The following DCTN1 variants were observed in gnomAD, a reference collection of about 807,000 sequenced individuals.
DCTN1 encodes the protein dynactin subunit 1, also known as 150 kDa dynein-associated polypeptide.
DCTN1 carries 61 observed loss-of-function variants against 161.2 expected under a neutral mutation model. That is an observed-to-expected ratio of 0.38 (90% CI 0.31 to 0.47). DCTN1 has a LOEUF of 0.47. Among genes scored for constraint, DCTN1 ranks in the 20% least tolerant of loss-of-function variants. DCTN1 has a pLI of 0.99. For synonymous variants in DCTN1, 653 were observed against 632.4 expected, an observed-to-expected ratio of 1.03 and a Z score of -0.49; for missense variants, 1,404 against 1,623.7, an observed-to-expected ratio of 0.86 and a Z score of 2.33.
chr2:74,363,492 C>T, intron 27 of DCTN1, 65 bp from the exon 28 acceptor site: 1 of 1,602,742 alleles, frequency 6.2e-7, no homozygotes, highest in South Asian at 1.1e-5. Flanking sequence ...GGCTCCATTC[C>T]TACTCTTCCC....
chr2:74,368,228 A>G, intron 16 of DCTN1, 97 bp from the exon 17 acceptor site: 2 of 1,458,668 alleles, frequency 1.4e-6, no homozygotes, highest in South Asian at 2.5e-5. Flanking sequence ...TGTGGGGAGC[A>G]TGGACACACA....
At chr2:74,365,420 TA>T in intron 25 of DCTN1, 94 bp downstream of exon 25, 1 of 1,592,978 alleles carries the variant, frequency 6.3e-7, no homozygotes, top group Non-Finnish European at 8.6e-7. Flanking sequence ...GGAGTCTCAC[TA>T]TAAGAGAACC....
Position 74,368,812 on chromosome 2 carries a change from G to A in DCTN1, c.1770C>T (p.Ala590=), listed in dbSNP as rs373649455. The A allele has an allele frequency of 1.1e-5, 18 of 1,614,152 alleles. No homozygotes were observed. Among genetic ancestry groups the A allele is most frequent in the African/African-American group, 1.3e-5 (1 of 74,942 alleles). ...QANRHMSLLT[A]FMPDSFLRPG... is the part of the protein sequence containing the mutation. ...GCCGAAGGAAGCTGTCAGGCATGAA[G>A]GCTGTCAGCAGGGACATGTGTCGAT... is the stretch of plus-strand genomic sequence containing the variant. Residue 590 remains alanine (A), a synonymous_variant, in exon 16 of 32, where the codon GCC becomes GCT. Transcript: ENST00000628224.
Position 74,367,377 on chromosome 2 carries a change from G to A in DCTN1, c.2228C>T (p.Thr743Ile). The change falls in exon 19 of 32, where the codon ACT (threonine) becomes ATT (isoleucine). Residue 743 changes from threonine to isoleucine, a missense_variant. Thr to Ile is a moderately conservative substitution (Grantham distance 89). Transcript: ENST00000628224. The stretch of plus-strand genomic sequence containing the variant: ...CTTAATGTGGTCAGCCAGCTGCATA[G>A]TACAGTCCTCAGGCTGTTCGGCAAG... ...IHLAEQPEDC[T>I]MQLADHIKFT... 2 of 1,614,150 alleles carry A rather than the reference G, an allele frequency of 1.2e-6. No homozygotes were observed. The highest frequency in any genetic ancestry group is 1.1e-5 in the South Asian group (1 of 91,076).
At chr2:74,362,162 A>T in intron 30 of DCTN1, 21 bp from the exon 31 acceptor site, 1 of 1,610,658 alleles carries the variant, frequency 6.2e-7, no homozygotes, top group African/African-American at 1.3e-5. Flanking sequence ...GGAGAGGAAG[A>T]CAAGGGTTCA....
intron 1 of DCTN1, among the ~76,000 whole-genome samples, chr2:74,388,783 T>C (rs184741629): frequency 1.1e-4 from 16 of 152,350 alleles, no homozygotes; most frequent in Admixed American, 3.9e-4. Context: ...CAATGTTGAA[T>C]AGATGCCTGT....
At chr2:74,385,750 GGTAAGTCC>G (rs1231711563) in intron 1 of DCTN1, 2 of 152,184 alleles carry the variant, frequency 1.3e-5, no homozygotes, top group Admixed American at 1.3e-4. Context: ...AGCAGGAAAA[GGTAAGTCC>G]GTTTCTCTTC....
rs372500630 is a variant in DCTN1 at position 74,366,820 on chromosome 2, G to A, written c.2429C>T (p.Ala810Val). ...GGCCAGTGCAGCTGGGATCCCAGGA[G>A]CATCTGTCCCTGGCATTCGCCTTCG... ...KIRRRMPGTD[A>V]PGIPAALAFG... The change falls in exon 21 of 32, where the codon GCT becomes GTT. Residue 810 changes from alanine to valine, a missense_variant. Around this residue, in one of 9 missense-constraint regions of DCTN1, gnomAD observed 475 missense variants for 489.8 expected, o/e 0.97. Coordinates refer to ENST00000628224, the MANE Select transcript of DCTN1 (RefSeq NM_004082.5). 2 of 1,614,250 alleles carry A rather than the reference G, an allele frequency of 1.2e-6. No homozygotes were observed. Among genetic ancestry groups the A allele is most frequent in the South Asian group, 1.1e-5 (1 of 91,086 alleles).
chr2:74,391,563 T>G (rs1222388072), intron 1 of DCTN1: 1 of 332,246 alleles, frequency 3.0e-6, no homozygotes. Context: ...GGAGGAACTC[T>G]AAGGCGCAGT....
Position 74,366,271 on chromosome 2 carries a change from C to T in DCTN1, c.2733G>A (p.Glu911=), listed in dbSNP as rs755686027. The T allele has an allele frequency of 4.3e-6, 7 of 1,614,236 alleles. No homozygotes were observed. Among genetic ancestry groups the T allele is most frequent in the Non-Finnish European group, 5.1e-6 (6 of 1,180,038 alleles). The change falls in exon 23 of 32, where the codon GAG becomes GAA. Residue 911 remains glutamate, a synonymous_variant. Transcript: ENST00000628224. ...NKLATAMQEG[E]YDAERPPSKP... is the part of the protein sequence containing the mutation. ...TGCTGGGGGGCCGCTCTGCATCATA[C>T]TCCCCCTCCTGCATGGCTGTGGCCA...
intron 1 of DCTN1, among the ~76,000 whole-genome samples, chr2:74,388,478 T>C (rs576182412): frequency 7.2e-5 from 11 of 152,330 alleles, no homozygotes; most frequent in African/African-American, 2.6e-4. Flanking sequence ...CTATCTGCCT[T>C]TCCCTTTATG....
At position 74,377,079 on chromosome 2, in the gene DCTN1, C is replaced by G. The variant is rs148533738; in HGVS notation, c.394-317G>C. On this transcript the variant is annotated intron_variant, in intron 4 of 31. Transcript: ENST00000628224. ...TGTGAATAGGAGATTGCTTCTTCCT[C>G]TATCTTCTACCTTAACCTTACCCTC... Among the ~76,000 whole-genome samples the G allele has an allele frequency of 1.2e-3, 182 of 152,322 alleles. 2 individuals carry two copies. The highest frequency in any genetic ancestry group is 6.8e-3 in the Middle Eastern group (2 of 294).
At chr2:74,379,475 C>G (rs1309783868) in intron 1 of DCTN1, among the ~76,000 whole-genome samples, 1 of 152,154 alleles carries the variant, frequency 6.6e-6, no homozygotes, top group Non-Finnish European at 1.5e-5. Flanking sequence ...GACCCCAAAT[C>G]ACACCTGGAA....
chr2:74,371,956 G>A, intron 7 of DCTN1: 1 of 554,986 alleles, frequency 1.8e-6, no homozygotes, highest in East Asian at 3.0e-5. Context: ...TGGAGGCAGA[G>A]GAGAGAGGGA....
In DCTN1 at chr2:74,370,102, C is replaced by T. The variant is rs1420269526; in HGVS notation, c.1288-33G>A. ...ACGGGGAGGATAGGGAGAAGGGCTG[C>T]TGGAAGGTACCTAGAAAGAGGAGGC... On this transcript the variant is annotated intron_variant, in intron 12 of 31. Transcript: ENST00000628224. This position sits in a 1 kb window ranked among gnomAD's most constrained non-coding sequence, Gnocchi z 4.4. 1.2e-6 allele frequency: 2 copies of T among 1,613,998 alleles called. No individual in the cohort carries two copies. The highest frequency in any genetic ancestry group is 2.7e-5 in the African/African-American group (2 of 74,914).
intron 1 of DCTN1, chr2:74,390,706 G>A: frequency 2.4e-6 from 1 of 424,726 alleles, no homozygotes; most frequent in South Asian, 1.7e-5. Context: ...CCATGGGCCA[G>A]CAGCATTAGC....
chr2:74,382,595 A>T (rs1422296089), upstream of DCTN1, among the ~76,000 whole-genome samples: 1 of 98,800 alleles, frequency 1.0e-5, no homozygotes, highest in Admixed American at 9.3e-5. Flanking sequence ...ACTGAGACTC[A>T]AAAAAAAAAA....
At chr2:74,383,014 G>A (rs1675579101), upstream of DCTN1, among the ~76,000 whole-genome samples, 2 of 151,622 alleles carry the variant, frequency 1.3e-5, no homozygotes, top group African/African-American at 4.8e-5. Context: ...AGCGGAGCTT[G>A]CAGTGAGCCG....
At chr2:74,373,971 G>A (rs920398907) in intron 6 of DCTN1, among the ~76,000 whole-genome samples, 4 of 152,218 alleles carry the variant, frequency 2.6e-5, no homozygotes, top group African/African-American at 9.7e-5. Flanking sequence ...GGTGAGGCAG[G>A]CAGGCCTGCT....
Sources: allele counts gnomAD v4.1 joint callset (sites outside exome capture counted in the v4.1 genomes callset), GRCh38; gene constraint gnomAD v4.1.1; regional missense constraint gnomAD v4.1.1; non-coding constraint Gnocchi (gnomAD v3.1); transcripts MANE v1.5; gene names NCBI Gene and HGNC (gene_info 2026-07-23, HGNC 2026-07-21).